Variants in HELZ observed in about 807,000 individuals in gnomAD.
HELZ encodes ATP-dependent RNA helicase with zinc finger domain.
Under a neutral mutation model 218.2 loss-of-function variants are expected in HELZ, and 23 were observed. That is an observed-to-expected ratio of 0.11 (90% CI 0.08 to 0.15). The LOEUF is 0.15. HELZ is among the 10% of genes least tolerant of loss of function. The pLI is 1.00. For missense variants in HELZ, 1,813 were observed against 2,353.7 expected, an observed-to-expected ratio of 0.77 and a Z score of 4.75; for synonymous variants, 814 against 829.4, an observed-to-expected ratio of 0.98 and a Z score of 0.32.
chr17:67,194,982 T>G (rs1427899934), intron 8 of HELZ, among the ~76,000 whole-genome samples: 1 of 152,200 alleles, frequency 6.6e-6, no homozygotes, highest in South Asian at 2.1e-4. Context: ...AGGCACTCAA[T>G]GAATGTTCTT....
At chr17:67,181,398 G>T (rs1166003906) in intron 12 of HELZ, among the ~76,000 whole-genome samples, 1 of 152,102 alleles carries the variant, frequency 6.6e-6, no homozygotes, top group Non-Finnish European at 1.5e-5. Context: ...ACAGTATTCA[G>T]GCTTTTGGGG....
intron 31 of HELZ, among the ~76,000 whole-genome samples, chr17:67,105,443 T>C (rs2037071298): frequency 6.6e-6 from 1 of 152,218 alleles, no homozygotes; most frequent in Non-Finnish European, 1.5e-5. Flanking sequence ...TAGTGGTTAC[T>C]AATCTGAGAG....
intron 3 of HELZ, among the ~76,000 whole-genome samples, chr17:67,221,340 A>AT (rs2040740231): frequency 6.6e-6 from 1 of 152,196 alleles, no homozygotes; most frequent in East Asian, 1.9e-4. Flanking sequence ...GAGAACTACT[A>AT]ATATAGACAA....
At position 67,218,658 on chromosome 17, in the gene HELZ, T is replaced by C. The variant is rs747401805; in HGVS notation, c.147A>G (p.Pro49=). The C allele has an allele frequency of 1.4e-5, 22 of 1,614,088 alleles. No individual in the cohort carries two copies. The highest frequency in any genetic ancestry group is 1.6e-4 in the Middle Eastern group (1 of 6,084). The change falls in exon 4 of 33, where the codon CCA becomes CCG. Residue 49 remains proline, a synonymous_variant. Transcript: ENST00000358691. ...CGATTTTGATGCGTTCTATTTCCAA[T>C]GGACAAGGCCCTGTGAAGTCTGCCA... ...YSMADFTGPC[P]LEIERIKIES...
intron 31 of HELZ, among the ~76,000 whole-genome samples, chr17:67,097,522 T>C (rs541876438): frequency 1.7e-4 from 26 of 152,368 alleles, no homozygotes; most frequent in African/African-American, 5.8e-4. Context: ...AGGGCACTTA[T>C]AATTTACAAA....
chr17:67,245,283 G>A (rs1266885641), upstream of HELZ: 1 of 932,632 alleles, frequency 1.1e-6, no homozygotes, highest in African/African-American at 1.8e-5. Context: ...GCCCCCTCCG[G>A]CCGCGCCTCC....
In HELZ at chr17:67,188,693, T is replaced by C; in HGVS notation, c.865-77A>G. 1 of 1,193,460 alleles carries C rather than the reference T, an allele frequency of 8.4e-7. No individual in the cohort carries two copies. Among genetic ancestry groups the C allele is most frequent in the Non-Finnish European group, 1.2e-6 (1 of 841,224 alleles). 73.9% of individuals were successfully genotyped at this position (1,193,460 alleles called of 1,614,324 possible). ...TTGTAATTGGGCTCTTCAATGAAAA[T>C]ATTTCCATAAGGGACTTTTACTTCC... is the stretch of plus-strand genomic sequence containing the variant. On this transcript the variant is annotated intron_variant, in intron 11 of 32. Transcript: ENST00000358691. The surrounding 1 kb of genome is among the most constrained non-coding windows in gnomAD (Gnocchi z 4.1).
chr17:67,107,311 T>C lies in HELZ; in HGVS notation c.5099A>G (p.Tyr1700Cys), dbSNP rs745766128. The C allele has an allele frequency of 1.5e-5, 24 of 1,614,046 alleles. No individual in the cohort carries two copies. Among genetic ancestry groups the C allele is most frequent in the South Asian group, 8.8e-5 (8 of 91,082 alleles). The change falls in exon 31 of 33, where the codon TAT becomes TGT. Residue 1700 changes from tyrosine to cysteine, a missense_variant. Coordinates refer to ENST00000358691, the MANE Select transcript of HELZ (RefSeq NM_014877.4). ...QNHLMGPGFPYGLPPLPHRPP... is the reference protein window; with the variant it reads ...QNHLMGPGFPCGLPPLPHRPP... ...CCTGTGAGGCAATGGAGGTAGGCCATAGGGAAAACCTGGCCCCATTAGGTG... is the reference window on the plus strand; with the variant it reads ...CCTGTGAGGCAATGGAGGTAGGCCACAGGGAAAACCTGGCCCCATTAGGTG...
chr17:67,133,997 G>A (rs2038067341), intron 23 of HELZ, among the ~76,000 whole-genome samples: 1 of 152,158 alleles, frequency 6.6e-6, no homozygotes, highest in Non-Finnish European at 1.5e-5. Context: ...ACAATGACTA[G>A]TAAAGTAATA....
chr17:67,202,447 C>A (rs1490112593), intron 6 of HELZ, among the ~76,000 whole-genome samples: 4 of 152,210 alleles, frequency 2.6e-5, no homozygotes, highest in East Asian at 1.9e-4. Flanking sequence ...ACTATGATAA[C>A]CCCCTGTGAA....
intron 7 of HELZ, among the ~76,000 whole-genome samples, chr17:67,199,267 C>G (rs964778482): frequency 7.2e-5 from 10 of 138,538 alleles, no homozygotes; most frequent in Non-Finnish European, 1.5e-4. Context: ...GGCTGGAATA[C>G]AGTGGTGCAA....
intron 23 of HELZ, among the ~76,000 whole-genome samples, chr17:67,135,727 T>C (rs992620821): frequency 4.6e-5 from 7 of 152,238 alleles, no homozygotes; most frequent in African/African-American, 1.7e-4. Context: ...CTTCAGAAGC[T>C]GGAAGAGTGC....
intron 7 of HELZ, 99 bp from the exon 8 acceptor site, chr17:67,195,569 A>C: frequency 1.5e-6 from 1 of 687,950 alleles, no homozygotes; most frequent in Non-Finnish European, 2.6e-6. Flanking sequence ...TGAAGTTGGA[A>C]TACTCAGAAA....
chr17:67,185,717 T>C (rs1265401941), intron 12 of HELZ, among the ~76,000 whole-genome samples: 2 of 152,212 alleles, frequency 1.3e-5, no homozygotes, highest in Admixed American at 6.5e-5. Context: ...GAAATCATTT[T>C]AATGTTTCCA....
At chr17:67,094,357 C>T (rs1189614196) in intron 31 of HELZ, among the ~76,000 whole-genome samples, 3 of 138,726 alleles carry the variant, frequency 2.2e-5, no homozygotes, top group Admixed American at 2.1e-4. Flanking sequence ...GAGAGAGATA[C>T]AGGCATACCT....
rs2036070290 is a variant in HELZ at position 67,078,099 on chromosome 17, T to C, written c.*153A>G. 1 of 585,778 alleles carries C rather than the reference T, an allele frequency of 1.7e-6. No homozygotes were observed. Among genetic ancestry groups the C allele is most frequent in the Non-Finnish European group, 3.0e-6 (1 of 335,096 alleles). 36.3% of individuals were successfully genotyped at this position (585,778 alleles called of 1,614,324 possible). A position where few individuals can be genotyped will look rare whatever the true frequency, so the allele number is the denominator to read the frequency against. The stretch of plus-strand genomic sequence containing the variant: ...ATAATGGAATATACTTTAAAAAAAT[T>C]AGTTGCAAGTCTAGCAGCAAAGCAA... On this transcript the variant is annotated 3_prime_UTR_variant, in exon 33 of 33. Transcript: ENST00000358691.
intron 21 of HELZ, among the ~76,000 whole-genome samples, chr17:67,140,060 A>G (rs958530281): frequency 6.6e-6 from 1 of 152,200 alleles, no homozygotes; most frequent in African/African-American, 2.4e-5. Flanking sequence ...CTAGCTTCCT[A>G]GGACAGAAGA....
chr17:67,150,076 A>G, intron 18 of HELZ, 91 bp from the exon 19 acceptor site: 1 of 622,328 alleles, frequency 1.6e-6, no homozygotes, highest in Non-Finnish European at 2.8e-6. Flanking sequence ...CTAAGTAAAG[A>G]GTTTAGTTTG....
chr17:67,187,725 A>G (rs1275675621), intron 12 of HELZ, among the ~76,000 whole-genome samples: 1 of 152,204 alleles, frequency 6.6e-6, no homozygotes, highest in Admixed American at 6.5e-5. Flanking sequence ...GATATAGGCA[A>G]TAAATTGACA....
Sources: allele counts gnomAD v4.1 joint callset (sites outside exome capture counted in the v4.1 genomes callset), GRCh38; gene constraint gnomAD v4.1.1; non-coding constraint Gnocchi (gnomAD v3.1); transcripts MANE v1.5; gene names NCBI Gene and HGNC (gene_info 2026-07-23, HGNC 2026-07-21).